Variants in DMD observed in about 807,000 individuals in gnomAD.
DMD encodes mutant dystrophin.
DMD carries 63 observed loss-of-function variants against 330.1 expected under a neutral mutation model. The observed-to-expected ratio is 0.19, with a 90% CI of 0.16 to 0.24. DMD has a LOEUF of 0.24. Among genes scored for constraint, DMD ranks in the 10% least tolerant of loss-of-function variants. The probability of loss-of-function intolerance (pLI) is 1.00; values close to 1 mark genes in which losing one functional copy is unlikely to be tolerated. For synonymous variants in DMD, 1,223 were observed against 959.8 expected, an observed-to-expected ratio of 1.27 and a Z score of -5.07; for missense variants, 3,344 against 2,684.1, an observed-to-expected ratio of 1.25 and a Z score of -5.43.
chrX:32,579,755 T>A lies in DMD; in HGVS notation c.1603-5909A>T, dbSNP rs375182792. On this transcript the variant is annotated intron_variant, in intron 13 of 78. Coordinates refer to ENST00000357033, the MANE Select transcript of DMD (RefSeq NM_004006.3). Reference sequence around the variant, plus strand: ...GTCAGCAAATACTTGCACTTCCAGATTAAGAACATGTGGCCTTTGCAGGAC... The same window carrying A: ...GTCAGCAAATACTTGCACTTCCAGAATAAGAACATGTGGCCTTTGCAGGAC... Among the ~76,000 whole-genome samples the A allele has an allele frequency of 3.0e-4, 34 of 113,079 alleles. No individual in the cohort carries two copies. The East Asian group carries it at 7.5e-3, about 25-fold the overall frequency.
At chrX:33,204,267 G>C (rs1274601788) in intron 1 of DMD, among the ~76,000 whole-genome samples, 2 of 111,637 alleles carry the variant, frequency 1.8e-5, no homozygotes, top group Non-Finnish European at 3.8e-5. Context: ...TGAATGATTG[G>C]ACCCCAGTCG....
In DMD at chrX:31,679,442, T is replaced by A; in HGVS notation, c.7805A>T (p.Lys2602Met). 1 of 1,211,943 alleles carries A rather than the reference T, an allele frequency of 8.3e-7. No homozygotes were observed. The highest frequency in any genetic ancestry group is 1.1e-6 in the Non-Finnish European group (1 of 895,494). ...GGGACCCTCCTTCCATGACTCAAGC[T>A]TGGCTCTGGCCTGTCCTAAGACCTG... ...AEQVLGQARA[K>M]LESWKEGPYT... Residue 2602 changes from lysine (K) to methionine (M), a missense_variant, in exon 53 of 79, where the codon AAG becomes ATG. Physicochemically the swap from Lys to Met is moderately conservative, Grantham distance 95 (BLOSUM62 -1). Transcript: ENST00000357033.
chrX:33,146,612 C>A (rs2048044822), intron 1 of DMD, among the ~76,000 whole-genome samples: 1 of 110,591 alleles, frequency 9.0e-6, no homozygotes, highest in African/African-American at 3.3e-5. Flanking sequence ...GATTCCAAGT[C>A]GGGCTTTTCA....
chrX:31,442,742 TTTCC>T (rs1167259356), intron 60 of DMD, among the ~76,000 whole-genome samples: 54 of 111,378 alleles, frequency 4.8e-4, no homozygotes, highest in African/African-American at 1.7e-3. Context: ...CATTTATTAC[TTTCC>T]TTATTTATAC....
chrX:32,400,126 C>T (rs916289475), intron 30 of DMD, among the ~76,000 whole-genome samples: 4 of 111,489 alleles, frequency 3.6e-5, no homozygotes, highest in East Asian at 5.7e-4. Flanking sequence ...TTTTGAAATA[C>T]GTCCCATCAA....
chrX:31,487,817 T>C (rs1270892637), intron 57 of DMD, among the ~76,000 whole-genome samples: 1 of 111,985 alleles, frequency 8.9e-6, no homozygotes, highest in Non-Finnish European at 1.9e-5. Context: ...TGAACAACAA[T>C]ATTAATTTAT....
chrX:31,272,538 T>A (rs2051725860), intron 62 of DMD, among the ~76,000 whole-genome samples: 1 of 112,424 alleles, frequency 8.9e-6, no homozygotes, highest in African/African-American at 3.2e-5. Flanking sequence ...CTGCATAATC[T>A]CTCTTCCTCT....
chrX:31,137,697 T>C (rs1362197588), intron 76 of DMD, among the ~76,000 whole-genome samples: 1 of 110,069 alleles, frequency 9.1e-6, no homozygotes, highest in Non-Finnish European at 1.9e-5. Flanking sequence ...GAAACTCGCA[T>C]TCATAAGGAG....
At chrX:33,287,011 A>G (rs935571733) in intron 1 of DMD, among the ~76,000 whole-genome samples, 4 of 112,069 alleles carry the variant, frequency 3.6e-5, no homozygotes, top group East Asian at 2.8e-4. Context: ...GCATCGTCAC[A>G]TGCAGGAAAG....
intron 44 of DMD, among the ~76,000 whole-genome samples, chrX:32,195,706 G>A (rs1433171406): frequency 8.9e-6 from 1 of 112,249 alleles, no homozygotes; most frequent in Non-Finnish European, 1.9e-5. Context: ...AGGTCAAGAG[G>A]CGGAGGAGGA....
intron 62 of DMD, among the ~76,000 whole-genome samples, chrX:31,306,124 A>T (rs60544906): frequency 0.2 from 22,442 of 110,864 alleles, 4,189 homozygotes; most frequent in African/African-American, 0.58. Context: ...TTGGGAAAAC[A>T]TATTTACTAT....
At chrX:31,647,562 G>A (rs187208747) in intron 54 of DMD, among the ~76,000 whole-genome samples, 9 of 111,481 alleles carry the variant, frequency 8.1e-5, no homozygotes, top group East Asian at 2.8e-4. Flanking sequence ...GGGTTTTTTC[G>A]TTTACACATT....
chrX:33,106,793 T>A (rs2095291810), intron 1 of DMD, among the ~76,000 whole-genome samples: 1 of 111,447 alleles, frequency 9.0e-6, no homozygotes, highest in South Asian at 3.7e-4. Context: ...GCATTAGAAA[T>A]AGAAAATTAT....
intron 43 of DMD, among the ~76,000 whole-genome samples, chrX:32,237,100 TG>T (rs1442568389): frequency 9.0e-6 from 1 of 111,449 alleles, no homozygotes; most frequent in African/African-American, 3.3e-5. Flanking sequence ...TTACAATTTT[TG>T]CTTTGTGCTG....
intron 18 of DMD, 78 bp from the exon 19 acceptor site, chrX:32,501,920 C>T (rs2044096869): frequency 5.3e-6 from 4 of 757,478 alleles, no homozygotes; most frequent in Non-Finnish European, 8.0e-6. Flanking sequence ...TCTACTTGCC[C>T]TTTCAAGCCT....
chrX:32,740,267 A>G (rs1227785032), intron 7 of DMD, among the ~76,000 whole-genome samples: 1 of 110,374 alleles, frequency 9.1e-6, no homozygotes, highest in African/African-American at 3.3e-5. Context: ...AGAAAATTCT[A>G]TTCTTTTGAG....
intron 9 of DMD, among the ~76,000 whole-genome samples, chrX:32,676,577 G>T (rs2061985440): frequency 9.0e-6 from 1 of 111,166 alleles, no homozygotes; most frequent in Admixed American, 9.6e-5. Context: ...TTTGGAGATT[G>T]TGTTAGCGGG....
intron 7 of DMD, among the ~76,000 whole-genome samples, chrX:32,702,165 G>C (rs1476117825): frequency 8.9e-6 from 1 of 112,089 alleles, no homozygotes; most frequent in African/African-American, 3.2e-5. Flanking sequence ...TTCTAATTTG[G>C]AATAAGAAAG....
intron 2 of DMD, among the ~76,000 whole-genome samples, chrX:32,940,104 A>T (rs1259431102): frequency 8.9e-6 from 1 of 112,017 alleles, no homozygotes; most frequent in Non-Finnish European, 1.9e-5. Flanking sequence ...GAGGCAGCAC[A>T]TTACCCAACT....
Sources: gnomAD v4.1 joint callset for allele counts (sites outside exome capture counted in the v4.1 genomes callset) on GRCh38, gnomAD v4.1.1 for gene constraint, MANE v1.5 for transcripts, NCBI Gene and HGNC (gene_info 2026-07-23, HGNC 2026-07-21) for gene names.